ANKRD2: variants seen among roughly 807,000 people sequenced by gnomAD.
ANKRD2 encodes ankyrin repeat domain-containing protein 2.
Under a neutral mutation model 37.3 loss-of-function variants are expected in ANKRD2, and 35 were observed. The ratio of observed to expected loss-of-function variants is 0.94; its 90% CI spans 0.72 to 1.24. The LOEUF (loss-of-function observed/expected upper bound fraction) is 1.24. ANKRD2 is among the 50% of genes most tolerant of loss of function. ANKRD2 has a pLI of 0.00. For missense variants in ANKRD2, 410 were observed against 445.6 expected (o/e 0.92, Z 0.72); for synonymous variants, 159 against 186.5 (o/e 0.85, Z 1.20).
rs1241814196 is a variant in ANKRD2 at position 97,578,495 on chromosome 10, C to T, written c.349-3C>T. On this transcript the variant is annotated splice_region_variant and splice_polypyrimidine_tract_variant and intron_variant, in intron 3 of 8. Coordinates refer to ENST00000370655, the MANE Select transcript of ANKRD2 (RefSeq NM_001346793.2). ...CCCGTGACTGCTGCGTCCACATCTG[C>T]AGACTGGCCCTGTGGATGAGGAGAC... 2 of 1,588,154 alleles carry T rather than the reference C, an allele frequency of 1.3e-6. No individual in the cohort carries two copies. The highest frequency in any genetic ancestry group is 1.7e-6 in the Non-Finnish European group (2 of 1,167,092).
intron 8 of ANKRD2, among the ~76,000 whole-genome samples, 195 bp from the exon 9 acceptor site, chr10:97,583,380 AT>A (rs2040928035): frequency 6.6e-6 from 1 of 152,132 alleles, no homozygotes; most frequent in African/African-American, 2.4e-5. Flanking sequence ...TTTAAGCAAC[AT>A]TCTTGGCCTC....
chr10:97,577,963 T>G lies in ANKRD2; in HGVS notation c.189+62T>G, dbSNP rs2040846119. On this transcript the variant is annotated intron_variant, in intron 2 of 8. Transcript: ENST00000370655. Reference sequence around the variant, plus strand: ...ACCAGCCAGGTAGCCATGGCCTGTCTGCACCTCTCCCCACGTGGCCCATGG... The same window carrying G: ...ACCAGCCAGGTAGCCATGGCCTGTCGGCACCTCTCCCCACGTGGCCCATGG... 6 of 1,460,272 alleles carry G rather than the reference T, an allele frequency of 4.1e-6. No individual in the cohort carries two copies. In the South Asian group the frequency reaches 7.9e-5, roughly 19 times the overall value. The allele number at this position is 1,460,272 out of a possible 1,614,324, so 90.5% of individuals were successfully genotyped here.
chr10:97,577,806 C>G lies in ANKRD2; in HGVS notation c.94C>G (p.Arg32Gly). The change falls in exon 2 of 9, where the codon CGA (arginine) becomes GGA (glycine). Residue 32 changes from arginine to glycine, a missense_variant. By Grantham distance (125) the Arg-to-Gly change is moderately radical (BLOSUM62 -2). Transcript: ENST00000370655. The stretch of plus-strand genomic sequence containing the variant: ...GCCCTCTTTGGATCACCAGAAACTC[C>G]GAGGAGACGCACGCCAGAAGCTGCC... ...LAQEEENEKL[R>G]GDARQKLPMD... The G allele has an allele frequency of 6.4e-7, 1 of 1,560,314 alleles. No homozygotes were observed. Among genetic ancestry groups the G allele is most frequent in the Non-Finnish European group, 8.7e-7 (1 of 1,151,840 alleles).
chr10:97,580,826 C>A (rs752994086), intron 4 of ANKRD2, 29 bp from the exon 5 acceptor site: 14 of 1,572,800 alleles, frequency 8.9e-6, no homozygotes, highest in Admixed American at 3.5e-5. Context: ...GAGCCAGAGG[C>A]CAGGCCCTGA....
rs1421942841 is a variant in ANKRD2 at position 97,583,611 on chromosome 10, G to A, written c.888G>A (p.Trp296Ter). 2 of 1,605,858 alleles carry A rather than the reference G, an allele frequency of 1.2e-6. No individual in the cohort carries two copies. Among genetic ancestry groups the A allele is most frequent in the Non-Finnish European group, 8.5e-7 (1 of 1,176,840 alleles). ...CCCCGACGGACCTGGTGCAGCTCTG[G>A]CAGGCTGATACCCGGCACGCCCTGG... is the stretch of plus-strand genomic sequence containing the variant. ...GKTPTDLVQL[W>*]QADTRHALEH... is the part of the protein sequence containing the mutation. The change falls in exon 9 of 9, where the codon TGG becomes TGA. Residue 296 changes from tryptophan to a stop codon, truncating the protein, a stop_gained. Transcript: ENST00000370655. LOFTEE classifies it high-confidence loss of function.
chr10:97,583,346 GA>G (rs1402262172), intron 8 of ANKRD2, among the ~76,000 whole-genome samples: 1 of 152,146 alleles, frequency 6.6e-6, no homozygotes, highest in Non-Finnish European at 1.5e-5. Context: ...TGTTGTAGGG[GA>G]CCATCCTATG....
chr10:97,572,990 G>C, intron 1 of ANKRD2, 115 bp downstream of exon 1: 1 of 1,374,500 alleles, frequency 7.3e-7, no homozygotes, highest in East Asian at 2.5e-5. Context: ...GATGTCCCCA[G>C]GGGCCCAGTT....
rs1245365899 is a variant in ANKRD2, at chr10:97,572,886, G to A, written c.87+11G>A. The stretch of plus-strand genomic sequence containing the variant: ...GAGGAGGAGAATGAGGTGCGAGCAG[G>A]GGTGGAGGTGCCCAAGGGGGTCTGA... On this transcript the variant is annotated intron_variant, in intron 1 of 8. Coordinates refer to ENST00000370655, the MANE Select transcript of ANKRD2 (RefSeq NM_001346793.2). 1.3e-6 allele frequency: 2 copies of A among 1,550,174 alleles called. No homozygotes were observed. The highest frequency in any genetic ancestry group is 2.4e-5 in the East Asian group (1 of 40,938).
At chr10:97,575,077 G>A (rs939512491) in intron 1 of ANKRD2, among the ~76,000 whole-genome samples, 5 of 152,242 alleles carry the variant, frequency 3.3e-5, no homozygotes, top group African/African-American at 9.6e-5. Flanking sequence ...AGCTTTGTGT[G>A]TTTCATGAAC....
chr10:97,576,194 G>A (rs553332593), intron 1 of ANKRD2, among the ~76,000 whole-genome samples: 1 of 152,282 alleles, frequency 6.6e-6, no homozygotes, highest in African/African-American at 2.4e-5. Context: ...ATGGGAAAGG[G>A]GCCTGAGTGC....
rs373923057 is a variant in ANKRD2 at position 97,572,812 on chromosome 10, C to T, written c.24C>T (p.Ser8=). The T allele has an allele frequency of 1.7e-5, 27 of 1,572,604 alleles. No individual in the cohort carries two copies. The highest frequency in any genetic ancestry group is 3.8e-5 in the Admixed American group (2 of 53,324). ...TTATGGACGGCACCATGGAGGACTC[C>T]GAGGCGGTGCAGAGGGCCACAGCGC... The part of the protein sequence containing the change: MDGTMED[S]EAVQRATALI... The change falls in exon 1 of 9, where the codon TCC becomes TCT. Residue 8 remains serine, a synonymous_variant. Transcript: ENST00000370655.
chr10:97,582,694 A>G lies in ANKRD2; in HGVS notation c.844A>G (p.Lys282Glu). 6.2e-7 allele frequency: 1 copy of G among 1,614,032 alleles called. No individual in the cohort carries two copies. Among genetic ancestry groups the G allele is most frequent in the East Asian group, 2.2e-5 (1 of 44,854 alleles). The change falls in exon 8 of 9, where the codon AAG (lysine) becomes GAG (glutamate). Residue 282 changes from lysine to glutamate, a missense_variant. Coordinates refer to ENST00000370655, the MANE Select transcript of ANKRD2 (RefSeq NM_001346793.2). ...CCTGCATGGGGCTGACATGATGACC[A>G]AGAACCTGGTAAGCTCATTCCCTCC... Reference protein sequence around the residue: ...LLLHGADMMTKNLAGKTPTDL... With the variant: ...LLLHGADMMTENLAGKTPTDL...
At chr10:97,578,209 G>GC in intron 2 of ANKRD2, 31 bp from the exon 3 acceptor site, 1 of 1,367,704 alleles carries the variant, frequency 7.3e-7, no homozygotes, top group Non-Finnish European at 9.8e-7. Context: ...TCTCTGCCCG[G>GC]CCTGGGGGGT....
At chr10:97,581,457 G>A in intron 6 of ANKRD2, 43 bp downstream of exon 6, 2 of 1,599,816 alleles carry the variant, frequency 1.3e-6, no homozygotes, top group African/African-American at 1.3e-5. Context: ...TGGGGTGGCT[G>A]TGGGGAGAAA....
At chr10:97,576,931 C>T (rs1265587862) in intron 1 of ANKRD2, among the ~76,000 whole-genome samples, 2 of 151,746 alleles carry the variant, frequency 1.3e-5, no homozygotes, top group East Asian at 3.9e-4. Flanking sequence ...CTCCTGGGCT[C>T]AAGCAATCCA....
rs755630370 is a variant in ANKRD2, at chr10:97,578,390, G to A, written c.340G>A (p.Glu114Lys). ...AASHEPPPEPEEITGPVDEET... is the reference protein window; with the variant it reads ...AASHEPPPEPKEITGPVDEET... ...CTCGCATGAGCCGCCCCCAGAGCCC[G>A]AGGAGATCGTAAGGGTCCTGGGGAG... Residue 114 changes from glutamate to lysine, a missense_variant, in exon 3 of 9, where the codon GAG (glutamate) becomes AAG (lysine). Transcript: ENST00000370655. The A allele has an allele frequency of 6.8e-6, 11 of 1,613,652 alleles. No individual in the cohort carries two copies. In the African/African-American group the frequency reaches 9.3e-5, roughly 14 times the overall value.
chr10:97,575,464 T>G (rs1157304408), intron 1 of ANKRD2, among the ~76,000 whole-genome samples: 1 of 152,212 alleles, frequency 6.6e-6, no homozygotes, highest in East Asian at 1.9e-4. Flanking sequence ...TGCTAGAGCC[T>G]GTCACAGATG....
At chr10:97,582,505 A>C in intron 7 of ANKRD2, 92 bp downstream of exon 7, 1 of 1,571,174 alleles carries the variant, frequency 6.4e-7, no homozygotes, top group Non-Finnish European at 8.7e-7. Flanking sequence ...TGGGGCCTTC[A>C]GGACTTGGCT....
intron 1 of ANKRD2, among the ~76,000 whole-genome samples, chr10:97,577,275 A>G (rs914315205): frequency 1.3e-5 from 2 of 151,914 alleles, no homozygotes; most frequent in African/African-American, 4.8e-5. Flanking sequence ...AAGTGCTGGG[A>G]TTATAGAGGT....
Sources: allele counts gnomAD v4.1 joint callset (sites outside exome capture counted in the v4.1 genomes callset), GRCh38; gene constraint gnomAD v4.1.1; transcripts MANE v1.5; gene names NCBI Gene and HGNC (gene_info 2026-07-23, HGNC 2026-07-21).